The following USP10 variants were observed in gnomAD, a reference collection of about 807,000 sequenced individuals.
USP10 encodes ubiquitin carboxyl-terminal hydrolase 10.
In USP10, 22 loss-of-function variants were observed where a neutral mutation model predicts 84.5. That is an observed-to-expected ratio of 0.26 (90% CI 0.19 to 0.37). USP10 has a LOEUF of 0.37. Ranked by LOEUF, USP10 falls within the 10% of genes least tolerant of loss-of-function variation. The pLI, the probability that USP10 is intolerant of heterozygous loss-of-function variation, is 1.00. For missense variants in USP10, 1,019 were observed against 998.9 expected (o/e 1.02, Z -0.27); for synonymous variants, 454 against 387.6 (o/e 1.17, Z -2.01).
chr16:84,718,425 T>C (rs1293591886), intron 1 of USP10, among the ~76,000 whole-genome samples: 1 of 152,204 alleles, frequency 6.6e-6, no homozygotes. Flanking sequence ...GGCAGGAGTT[T>C]AATTTTTCTG....
rs573526767 is a variant in USP10, at chr16:84,756,652, A to T, written c.1193-2064A>T. On this transcript the variant is annotated intron_variant, in intron 4 of 13. Transcript: ENST00000219473. ...GGCTTTGAGTCTTAAGGTTAGGTTT[A>T]AAAAAAAAAGTCATTTGATATAAAA... Among the ~76,000 whole-genome samples, 802 of 148,986 alleles carry T rather than the reference A, an allele frequency of 5.4e-3. 2 individuals are homozygous for T. Among genetic ancestry groups the T allele is most frequent in the Non-Finnish European group, 7.8e-3 (525 of 66,976 alleles).
At chr16:84,733,099 C>T (rs1328055537) in intron 1 of USP10, 1 of 466,564 alleles carries the variant, frequency 2.1e-6, no homozygotes, top group Non-Finnish European at 4.3e-6. Context: ...CATGAGTCAG[C>T]AGAAAGGTAA....
intron 2 of USP10, among the ~76,000 whole-genome samples, chr16:84,737,953 T>G (rs1410096952): frequency 6.6e-6 from 1 of 152,250 alleles, no homozygotes; most frequent in African/African-American, 2.4e-5. Flanking sequence ...CAGCGTCATC[T>G]GTGTATTTTT....
At chr16:84,719,213 A>G (rs999604682) in intron 1 of USP10, among the ~76,000 whole-genome samples, 2 of 152,186 alleles carry the variant, frequency 1.3e-5, no homozygotes, top group Non-Finnish European at 2.9e-5. Flanking sequence ...CATCAACTTT[A>G]TATAGTGAGT....
intron 1 of USP10, among the ~76,000 whole-genome samples, chr16:84,729,638 GT>G (rs1241475677): frequency 1.3e-5 from 2 of 152,208 alleles, no homozygotes; most frequent in African/African-American, 2.4e-5. Flanking sequence ...TTCTTAGCCC[GT>G]TCCTTTATTT....
At chr16:84,750,845 A>T (rs1365761726) in intron 4 of USP10, among the ~76,000 whole-genome samples, 3 of 152,230 alleles carry the variant, frequency 2.0e-5, no homozygotes, top group Admixed American at 2.0e-4. Context: ...CTCTGAAAAC[A>T]TTGCGTTGAG....
At chr16:84,719,546 C>T (rs955047475) in intron 1 of USP10, among the ~76,000 whole-genome samples, 1 of 152,216 alleles carries the variant, frequency 6.6e-6, no homozygotes, top group South Asian at 2.1e-4. Flanking sequence ...GGACTGTTGT[C>T]TTAGGCCTTT....
chr16:84,745,520 C>T lies in USP10; in HGVS notation c.1039C>T (p.His347Tyr). The T allele has an allele frequency of 6.2e-7, 1 of 1,613,516 alleles. No homozygotes were observed. The highest frequency in any genetic ancestry group is 1.1e-5 in the South Asian group (1 of 91,010). The change falls in exon 4 of 14, where the codon CAT (histidine) becomes TAT (tyrosine). Residue 347 changes from histidine (H) to tyrosine (Y), a missense_variant. Transcript: ENST00000219473. The part of the protein sequence containing the change: ...SQPKSWASLF[H>Y]DSKPSSSSPV... ...GCCCAAGTCCTGGGCCAGCCTCTTT[C>T]ATGATTCTAAGCCCTCTTCCTCCTC...
At chr16:84,767,327 C>G (rs1030937013) in intron 10 of USP10, among the ~76,000 whole-genome samples, 2 of 150,758 alleles carry the variant, frequency 1.3e-5, no homozygotes, top group African/African-American at 2.4e-5. Flanking sequence ...CTCAGAAAAA[C>G]TTAGAAAAAG....
At chr16:84,727,799 C>T (rs1294103466) in intron 1 of USP10, among the ~76,000 whole-genome samples, 1 of 152,200 alleles carries the variant, frequency 6.6e-6, no homozygotes, top group African/African-American at 2.4e-5. Flanking sequence ...ATGTGTATTT[C>T]CTAAGAATAG....
chr16:84,739,666 A>G (rs545035008), intron 2 of USP10, among the ~76,000 whole-genome samples: 1 of 152,204 alleles, frequency 6.6e-6, no homozygotes, highest in Non-Finnish European at 1.5e-5. Flanking sequence ...AGAAAAATTT[A>G]AGTTATTTTT....
chr16:84,714,884 A>C (rs1487756295), intron 1 of USP10, among the ~76,000 whole-genome samples: 1 of 151,096 alleles, frequency 6.6e-6, no homozygotes, highest in African/African-American at 2.4e-5. Context: ...TCTACATATG[A>C]AATGTTTGAA....
At position 84,748,193 on chromosome 16, in the gene USP10, C is replaced by G. The variant is rs559547327; in HGVS notation, c.1192+2520C>G. Among the ~76,000 whole-genome samples the G allele has an allele frequency of 3.9e-4, 58 of 149,706 alleles. 1 individual carries two copies. Among genetic ancestry groups the G allele is most frequent in the Admixed American group, 2.7e-3 (40 of 14,962 alleles). On this transcript the variant is annotated intron_variant, in intron 4 of 13. Transcript: ENST00000219473. ...AAAAAAAAAAGATAGATTGTGTAAG[C>G]CTTTATATAGATTACTAAGTTAAAA...
intron 8 of USP10, among the ~76,000 whole-genome samples, chr16:84,761,566 C>T (rs550949585): frequency 6.6e-6 from 1 of 152,356 alleles, no homozygotes; most frequent in African/African-American, 2.4e-5. Flanking sequence ...ACTCCAGCAC[C>T]AGACTGTGAC....
In USP10 at chr16:84,768,464, A is replaced by T. The variant is rs1914094810; in HGVS notation, c.1998+106A>T. On this transcript the variant is annotated intron_variant, in intron 11 of 13. Coordinates refer to ENST00000219473, the MANE Select transcript of USP10 (RefSeq NM_005153.3). ...AAATGGGTTTGAGTTATGCCTCTTA[A>T]ATCAGTTGCTTAACCATTTTGTACT... is the stretch of plus-strand genomic sequence containing the variant. 7.0e-6 allele frequency: 8 copies of T among 1,142,714 alleles called. No individual in the cohort carries two copies. The East Asian group carries it at 2.1e-4, about 31-fold the overall frequency. The allele number at this position is 1,142,714 out of a possible 1,614,324, so 70.8% of individuals were successfully genotyped here. A position where few individuals can be genotyped will look rare whatever the true frequency, so the allele number is the denominator to read the frequency against.
intron 13 of USP10, 41 bp from the exon 14 acceptor site, chr16:84,778,854 A>G (rs958339364): frequency 6.3e-6 from 10 of 1,581,106 alleles, no homozygotes; most frequent in Non-Finnish European, 8.6e-6. Flanking sequence ...ATTCGTGTGC[A>G]GTGCTGTTCT....
At chr16:84,718,863 G>A (rs1352532082) in intron 1 of USP10, among the ~76,000 whole-genome samples, 1 of 151,400 alleles carries the variant, frequency 6.6e-6, no homozygotes, top group Non-Finnish European at 1.5e-5. Context: ...TGCAGTCTCA[G>A]CTCACTGCAA....
rs375114598 is a variant in USP10, at chr16:84,718,349, G to A, written c.22-15086G>A. Reference sequence around the variant, plus strand: ...GCTCACTGCAGCCTCAAAGTTATTGGCTCAAGGGATCCTCCCACCTCAGCC... The same window carrying A: ...GCTCACTGCAGCCTCAAAGTTATTGACTCAAGGGATCCTCCCACCTCAGCC... On this transcript the variant is annotated intron_variant, in intron 1 of 13. Coordinates refer to ENST00000219473, the MANE Select transcript of USP10 (RefSeq NM_005153.3). 9.2e-5 allele frequency among the ~76,000 whole-genome samples: 14 copies of A among 152,296 alleles called. No individual in the cohort carries two copies. In the South Asian group the frequency reaches 2.9e-3, roughly 32 times the overall value.
At chr16:84,767,055 C>G (rs948097127) in intron 10 of USP10, among the ~76,000 whole-genome samples, 4 of 152,164 alleles carry the variant, frequency 2.6e-5, no homozygotes, top group Non-Finnish European at 5.9e-5. Flanking sequence ...CTGTATCCCT[C>G]TCCAGAACCA....
Sources: allele counts gnomAD v4.1 joint callset (sites outside exome capture counted in the v4.1 genomes callset), GRCh38; gene constraint gnomAD v4.1.1; transcripts MANE v1.5; gene names NCBI Gene and HGNC (gene_info 2026-07-23, HGNC 2026-07-21).